Variants in RPAP3 observed in about 807,000 individuals in gnomAD.
RPAP3 encodes RNA polymerase II associated protein 3, also known as RNA polymerase II-associated protein 3.
Under a neutral mutation model 88.8 loss-of-function variants are expected in RPAP3, and 58 were observed. The ratio of observed to expected loss-of-function variants is 0.65; its 90% CI spans 0.53 to 0.81. The LOEUF (loss-of-function observed/expected upper bound fraction) is 0.81, where lower values mean the gene tolerates loss of function less well. Among genes scored for constraint, RPAP3 ranks in the 40% least tolerant of loss-of-function variants. RPAP3 has a pLI of 0.00. For synonymous variants in RPAP3, 255 were observed against 259.9 expected, an observed-to-expected ratio of 0.98 and a Z score of 0.18; for missense variants, 751 against 764.3, an observed-to-expected ratio of 0.98 and a Z score of 0.20.
chr12:47,669,076 A>G lies in RPAP3; in HGVS notation c.1553T>C (p.Val518Ala). 1 of 1,613,824 alleles carries G rather than the reference A, an allele frequency of 6.2e-7. No individual in the cohort carries two copies. The highest frequency in any genetic ancestry group is 1.1e-5 in the South Asian group (1 of 91,072). The change falls in exon 14 of 17, where the codon GTA becomes GCA. Residue 518 changes from valine (V) to alanine (A), a missense_variant. Val to Ala is a moderately conservative substitution (Grantham distance 64). Transcript: ENST00000005386. The part of the protein sequence containing the change: ...LQPQASLKQD[V>A]CQSYSEKMPI... Reference sequence around the variant, plus strand: ...CATTTTCTCGCTGTAAGACTGACATACATCCTGCTTCAAACTGGCTTGAGG... The same window carrying G: ...CATTTTCTCGCTGTAAGACTGACATGCATCCTGCTTCAAACTGGCTTGAGG...
In RPAP3 at chr12:47,697,574, A is replaced by C. The variant is rs148878263; in HGVS notation, c.417+23T>G. On this transcript the variant is annotated intron_variant, in intron 4 of 16. Transcript: ENST00000005386. ...AACATCTCCTGCTTACATGAAAAAAAACAAAACCTAACTAATTAGTACCTT... is the reference window on the plus strand; with the variant it reads ...AACATCTCCTGCTTACATGAAAAAACACAAAACCTAACTAATTAGTACCTT... 4,104 of 1,580,946 alleles carry C rather than the reference A, an allele frequency of 2.6e-3. 11 individuals carry two copies. Among genetic ancestry groups the C allele is most frequent in the Non-Finnish European group, 3.0e-3 (3,492 of 1,169,574 alleles).
intron 1 of RPAP3, among the ~76,000 whole-genome samples, chr12:47,705,730 A>G (rs1379894192): frequency 1.3e-5 from 2 of 152,174 alleles, no homozygotes; most frequent in Non-Finnish European, 2.9e-5. Flanking sequence ...CCTGCAAAGC[A>G]GAGCGCGCAG....
intron 2 of RPAP3, among the ~76,000 whole-genome samples, chr12:47,702,033 C>T (rs983135744): frequency 2.0e-5 from 3 of 152,142 alleles, no homozygotes; most frequent in African/African-American, 7.2e-5. Flanking sequence ...GTACTATCTG[C>T]ATTTTTATGC....
chr12:47,688,110 T>A, intron 7 of RPAP3, 109 bp from the exon 8 acceptor site: 1 of 972,172 alleles, frequency 1.0e-6, no homozygotes. Context: ...TGCCACATTT[T>A]AAATAATCAA....
chr12:47,674,150 G>A lies in RPAP3; in HGVS notation c.1288-3805C>T, dbSNP rs187346295. Among the ~76,000 whole-genome samples the A allele has an allele frequency of 6.6e-3, 994 of 151,404 alleles. 11 individuals are homozygous for A. Among genetic ancestry groups the A allele is most frequent in the Admixed American group, 0.014 (215 of 15,212 alleles). On this transcript the variant is annotated intron_variant, in intron 12 of 16. Coordinates refer to ENST00000005386, the MANE Select transcript of RPAP3 (RefSeq NM_024604.3). ...CAACATTTCCTTTACGAGTTAGGGG[G>A]CGTTCCAAGATGGCCGAATAGGCAC...
At chr12:47,692,838 T>G (rs1244218832) in intron 5 of RPAP3, among the ~76,000 whole-genome samples, 1 of 152,194 alleles carries the variant, frequency 6.6e-6, no homozygotes, top group African/African-American at 2.4e-5. Flanking sequence ...CTGCAAGTCT[T>G]CCTTTCACTT....
At chr12:47,694,762 G>T (rs1484409914) in intron 5 of RPAP3, among the ~76,000 whole-genome samples, 2 of 151,914 alleles carry the variant, frequency 1.3e-5, no homozygotes, top group African/African-American at 4.8e-5. Flanking sequence ...TAATAGTTGA[G>T]AAATGAAAAC....
Position 47,701,499 on chromosome 12 carries a change from A to AT in RPAP3, c.258dup (p.Ser87IlefsTer3). On this transcript the variant is annotated frameshift_variant, in exon 3 of 17. Transcript: ENST00000005386. LOFTEE classifies it high-confidence loss of function. ...TTTGCCCATGCCTCATAATCATAAG[A>AT]TTTTATCCTGTTTTTTGTGTTTTCC... The AT allele has an allele frequency of 1.2e-6, 2 of 1,601,084 alleles. No homozygotes were observed. The highest frequency in any genetic ancestry group is 1.7e-6 in the Non-Finnish European group (2 of 1,174,814).
Position 47,685,940 on chromosome 12 carries a change from C to T in RPAP3, c.992+840G>A, listed in dbSNP as rs557032369. Among the ~76,000 whole-genome samples the T allele has an allele frequency of 5.3e-5, 8 of 152,256 alleles. No homozygotes were observed. The South Asian group carries it at 1.2e-3, about 24-fold the overall frequency. On this transcript the variant is annotated intron_variant, in intron 9 of 16. Coordinates refer to ENST00000005386, the MANE Select transcript of RPAP3 (RefSeq NM_024604.3). ...TGTTAATAAAAAATCAAATATACTA[C>T]TATATCACAATTTTTAATATTTTCA...
At chr12:47,669,151 A>G in intron 13 of RPAP3, 49 bp from the exon 14 acceptor site, 1 of 1,341,444 alleles carries the variant, frequency 7.5e-7, no homozygotes. Flanking sequence ...AAATAATCAT[A>G]GCTCAATCAA....
chr12:47,682,057 AAAT>A, intron 9 of RPAP3, among the ~76,000 whole-genome samples: 1 of 152,198 alleles, frequency 6.6e-6, no homozygotes, highest in Non-Finnish European at 1.5e-5. Flanking sequence ...TGGAGCGATG[AAAT>A]AATAATGCAA....
Position 47,663,555 on chromosome 12 carries a change from CTGACT to C in RPAP3, c.1943_1947del (p.Lys648ArgfsTer5). On this transcript the variant is annotated frameshift_variant, in exon 17 of 17. Transcript: ENST00000005386. LOFTEE classifies it high-confidence loss of function. ...TCTTCGACAGAACTATCCTTCAATC[CTGACT>C]TGTCTATGTGATTAAATAATGCACG... is the stretch of plus-strand genomic sequence containing the variant. 1 of 1,586,486 alleles carries C rather than the reference CTGACT, an allele frequency of 6.3e-7. No homozygotes were observed. The highest frequency in any genetic ancestry group is 8.6e-7 in the Non-Finnish European group (1 of 1,167,480).
chr12:47,670,367 C>A, intron 12 of RPAP3, 22 bp from the exon 13 acceptor site: 2 of 1,377,760 alleles, frequency 1.5e-6, no homozygotes, highest in Non-Finnish European at 2.0e-6. Flanking sequence ...AAAATCAATT[C>A]CTTAAATCAA....
At chr12:47,698,094 TCTTC>T (rs1939573041) in intron 3 of RPAP3, among the ~76,000 whole-genome samples, 3 of 152,326 alleles carry the variant, frequency 2.0e-5, no homozygotes, top group East Asian at 3.9e-4. Context: ...AAAATTTTTT[TCTTC>T]CTTATTTTAA....
intron 12 of RPAP3, among the ~76,000 whole-genome samples, chr12:47,673,262 G>A (rs1195704703): frequency 6.6e-6 from 1 of 151,854 alleles, no homozygotes; most frequent in South Asian, 2.1e-4. Context: ...GGCCAACATG[G>A]TGAAACCCTG....
intron 9 of RPAP3, among the ~76,000 whole-genome samples, chr12:47,682,290 A>G (rs1039105125): frequency 1.5e-4 from 23 of 152,212 alleles, no homozygotes; most frequent in Non-Finnish European, 2.5e-4. Context: ...TACTTTGCAT[A>G]AATTCTACTC....
At chr12:47,669,537 A>G (rs1938953947) in intron 13 of RPAP3, among the ~76,000 whole-genome samples, 6 of 152,202 alleles carry the variant, frequency 3.9e-5, no homozygotes, top group Admixed American at 3.9e-4. Flanking sequence ...TAAAAGTACT[A>G]CTAAAGTTCA....
At chr12:47,689,049 T>C in intron 7 of RPAP3, 76 bp downstream of exon 7, 1 of 697,066 alleles carries the variant, frequency 1.4e-6, no homozygotes, top group Non-Finnish European at 2.5e-6. Flanking sequence ...AAATCTATAG[T>C]ACAAAATCTA....
At chr12:47,681,659 T>A (rs1184242713) in intron 10 of RPAP3, 37 bp downstream of exon 10, 6 of 1,600,986 alleles carry the variant, frequency 3.7e-6, no homozygotes, top group African/African-American at 2.7e-5. Flanking sequence ...TGGGCACTCA[T>A]CAGGATGACT....
Sources: allele counts gnomAD v4.1 joint callset (sites outside exome capture counted in the v4.1 genomes callset), GRCh38; gene constraint gnomAD v4.1.1; transcripts MANE v1.5; gene names NCBI Gene and HGNC (gene_info 2026-07-23, HGNC 2026-07-21).